SUGT1: variants seen among roughly 807,000 people sequenced by gnomAD.
The protein encoded by SUGT1 is SGT1 assembly cochaperone of MIS12 kinetochore complex.
SUGT1 carries 15 observed loss-of-function variants against 56.1 expected under a neutral mutation model. That is an observed-to-expected ratio of 0.27 (90% confidence interval 0.18 to 0.41). The LOEUF (loss-of-function observed/expected upper bound fraction) is 0.41, where lower values mean the gene tolerates loss of function less well. SUGT1 is among the 10% of genes least tolerant of loss of function. The pLI is 1.00. For missense variants in SUGT1, 347 were observed against 382.2 expected (o/e 0.91, Z 0.77); for synonymous variants, 123 against 128.6 (o/e 0.96, Z 0.30).
chr13:52,674,179 G>A (rs1435790491), intron 10 of SUGT1, among the ~76,000 whole-genome samples: 6 of 149,360 alleles, frequency 4.0e-5, no homozygotes, highest in Non-Finnish European at 1.5e-5. Flanking sequence ...AGACTCCCGA[G>A]TAGCTGAGAC....
chr13:52,686,362 G>A (rs982565462), intron 12 of SUGT1, among the ~76,000 whole-genome samples: 1 of 152,190 alleles, frequency 6.6e-6, no homozygotes, highest in African/African-American at 2.4e-5. Context: ...TTAATGAGCT[G>A]TCAGCATTAG....
At position 52,670,700 on chromosome 13, in the gene SUGT1, C is replaced by T. The variant is rs536373444; in HGVS notation, c.627+3781C>T. On this transcript the variant is annotated intron_variant, in intron 10 of 12. Coordinates refer to ENST00000310528, the MANE Select transcript of SUGT1 (RefSeq NM_006704.5). ...ACGGGTGCCTGTAGTCCCAGCTACT[C>T]GGGAGACTGAGGCAGGAGAATCGCT... Among the ~76,000 whole-genome samples, 37 of 152,076 alleles carry T rather than the reference C, an allele frequency of 2.4e-4. 1 individual carries two copies. In the South Asian group the frequency reaches 4.6e-3, roughly 19 times the overall value.
chr13:52,674,719 CATG>C (rs1034038059), intron 10 of SUGT1, among the ~76,000 whole-genome samples: 1 of 152,044 alleles, frequency 6.6e-6, no homozygotes, highest in Admixed American at 6.6e-5. Context: ...AGGAAAAAAA[CATG>C]AGAATATAAA....
intron 7 of SUGT1, 50 bp from the exon 8 acceptor site, chr13:52,663,985 C>A: frequency 6.3e-7 from 1 of 1,581,404 alleles, no homozygotes; most frequent in Non-Finnish European, 8.7e-7. Flanking sequence ...GCTAAACTGA[C>A]TTGTAAAAAT....
chr13:52,680,836 T>G (rs1414103717), intron 12 of SUGT1, among the ~76,000 whole-genome samples: 1 of 152,204 alleles, frequency 6.6e-6, no homozygotes, highest in Non-Finnish European at 1.5e-5. Flanking sequence ...GTCATGATTG[T>G]GCTTTTCACA....
intron 8 of SUGT1, among the ~76,000 whole-genome samples, chr13:52,665,124 G>GC (rs1962640716): frequency 6.6e-6 from 1 of 152,092 alleles, no homozygotes; most frequent in Non-Finnish European, 1.5e-5. Context: ...TAGTTCATTT[G>GC]CCCCTGTTTT....
chr13:52,659,540 G>T (rs528403761), intron 5 of SUGT1, among the ~76,000 whole-genome samples: 2 of 151,892 alleles, frequency 1.3e-5, no homozygotes, highest in Non-Finnish European at 2.9e-5. Context: ...TAATGGAGAA[G>T]TGAAAGTTTA....
chr13:52,652,842 A>G lies in SUGT1; in HGVS notation c.-79A>G. On this transcript the variant is annotated 5_prime_UTR_variant, in exon 1 of 13. Coordinates refer to ENST00000310528, the MANE Select transcript of SUGT1 (RefSeq NM_006704.5). The stretch of plus-strand genomic sequence containing the variant: ...GGAAGCTCGGTTGGTGTTTCTCCAG[A>G]AGTTTCCCCCTTGGGCGGTGGTGGA... The G allele has an allele frequency of 6.4e-7, 1 of 1,562,818 alleles. No homozygotes were observed. The highest frequency in any genetic ancestry group is 8.7e-7 in the Non-Finnish European group (1 of 1,152,096).
rs35537047 is a variant in SUGT1, at chr13:52,681,836, TAAA to T, written c.900+1693_900+1695del. On this transcript the variant is annotated intron_variant, in intron 12 of 12. Coordinates refer to ENST00000310528, the MANE Select transcript of SUGT1 (RefSeq NM_006704.5). ...GCAGCAAAGTGAGACCCTATCTCTT[TAAA>T]AAAAAAAAAAAGAGAGAGAGAGAGA... 5.7e-3 allele frequency among the ~76,000 whole-genome samples: 769 copies of T among 134,038 alleles called. 4 individuals are homozygous for T. Among genetic ancestry groups the T allele is most frequent in the African/African-American group, 0.021 (745 of 35,478 alleles). 87.9% of individuals were successfully genotyped at this position (134,038 alleles called of 152,430 possible). A position where few individuals can be genotyped will look rare whatever the true frequency, so the allele number is the denominator to read the frequency against.
intron 2 of SUGT1, among the ~76,000 whole-genome samples, chr13:52,654,251 A>G (rs1160303915): frequency 6.6e-6 from 1 of 152,150 alleles, no homozygotes; most frequent in Non-Finnish European, 1.5e-5. Flanking sequence ...GAGTTTGGGG[A>G]TAATGTTACA....
rs746837292 is a variant in SUGT1 at position 52,664,099 on chromosome 13, C to T, written c.422+42C>T. Reference sequence around the variant, plus strand: ...CATAAAACAATGCATGATAAATATGCCTAAAGAGGAAGAAACCCTGTAGTT... The same window carrying T: ...CATAAAACAATGCATGATAAATATGTCTAAAGAGGAAGAAACCCTGTAGTT... On this transcript the variant is annotated intron_variant, in intron 8 of 12. Coordinates refer to ENST00000310528, the MANE Select transcript of SUGT1 (RefSeq NM_006704.5). 4.4e-6 allele frequency: 7 copies of T among 1,584,130 alleles called. No homozygotes were observed. In the South Asian group the frequency reaches 7.9e-5, roughly 18 times the overall value.
chr13:52,665,619 C>CTTT lies in SUGT1; in HGVS notation c.423-8_423-6dup. 7 of 1,118,190 alleles carry CTTT rather than the reference C, an allele frequency of 6.3e-6. No individual in the cohort carries two copies. The highest frequency in any genetic ancestry group is 7.3e-6 in the Non-Finnish European group (6 of 827,324). The allele number at this position is 1,118,190 out of a possible 1,614,324, so 69.3% of individuals were successfully genotyped here. On this transcript the variant is annotated splice_polypyrimidine_tract_variant and intron_variant, in intron 8 of 12. Transcript: ENST00000310528. The stretch of plus-strand genomic sequence containing the variant: ...AAAATTAGAAGAGTTACCTAAGTTT[C>CTTT]TTTTTTTTTTTTAATAGGTATGACT...
chr13:52,656,031 C>T (rs1231521256), intron 2 of SUGT1, among the ~76,000 whole-genome samples: 2 of 152,132 alleles, frequency 1.3e-5, no homozygotes, highest in Admixed American at 1.3e-4. Context: ...TTATTATTGT[C>T]AAGGGCCACA....
intron 10 of SUGT1, among the ~76,000 whole-genome samples, chr13:52,673,898 A>G (rs1963038929): frequency 6.6e-6 from 1 of 152,172 alleles, no homozygotes; most frequent in African/African-American, 2.4e-5. Flanking sequence ...CGTAGCAGTG[A>G]CAACTTAAAG....
chr13:52,662,251 C>A (rs1027901760), intron 5 of SUGT1, among the ~76,000 whole-genome samples: 1 of 152,102 alleles, frequency 6.6e-6, no homozygotes, highest in Admixed American at 6.5e-5. Context: ...TTTTGAACCT[C>A]AACTCAGCTC....
intron 6 of SUGT1, 90 bp downstream of exon 6, chr13:52,662,792 T>C: frequency 1.5e-6 from 2 of 1,336,550 alleles, no homozygotes; most frequent in Non-Finnish European, 2.1e-6. Flanking sequence ...TTTTTATCTT[T>C]ATAATTTCTT....
intron 11 of SUGT1, among the ~76,000 whole-genome samples, chr13:52,678,853 AT>A (rs200247589): frequency 2.0e-5 from 3 of 149,128 alleles, no homozygotes; most frequent in Non-Finnish European, 3.0e-5. Context: ...AATTATTATT[AT>A]TTTTTTTTCA....
At chr13:52,668,516 G>T (rs949921742) in intron 10 of SUGT1, among the ~76,000 whole-genome samples, 5 of 152,166 alleles carry the variant, frequency 3.3e-5, no homozygotes, top group Non-Finnish European at 7.3e-5. Flanking sequence ...CTTATTTGAA[G>T]ATTGTCAAGA....
At position 52,700,709 on chromosome 13, in the gene SUGT1, G is replaced by C. The variant is rs1409827343; in HGVS notation, c.*12874G>C. On this transcript the variant is annotated 3_prime_UTR_variant, in exon 13 of 13. Coordinates refer to ENST00000310528, the MANE Select transcript of SUGT1 (RefSeq NM_006704.5). Reference sequence around the variant, plus strand: ...AGGACTGTCTATGCATGTAGACTTTGGTCAACTCTCTCCTCCTCCCTCAAT... The same window carrying C: ...AGGACTGTCTATGCATGTAGACTTTCGTCAACTCTCTCCTCCTCCCTCAAT... 1 of 151,924 alleles carries C rather than the reference G, an allele frequency of 6.6e-6. No homozygotes were observed. The highest frequency in any genetic ancestry group is 2.4e-5 in the African/African-American group (1 of 41,326). 9.4% of individuals were successfully genotyped at this position (151,924 alleles called of 1,614,324 possible). A position where few individuals can be genotyped will look rare whatever the true frequency, so the allele number is the denominator to read the frequency against.
Sources: gnomAD v4.1 joint callset for allele counts (sites outside exome capture counted in the v4.1 genomes callset) on GRCh38, gnomAD v4.1.1 for gene constraint, MANE v1.5 for transcripts, NCBI Gene and HGNC (gene_info 2026-07-23, HGNC 2026-07-21) for gene names.